Variants in KIRREL3 observed in about 807,000 individuals in gnomAD.
KIRREL3 encodes kirre like nephrin family adhesion molecule 3.
In KIRREL3, 36 loss-of-function variants were observed where a neutral mutation model predicts 89.7. The observed-to-expected ratio is 0.40, with a 90% confidence interval of 0.31 to 0.53. The LOEUF (loss-of-function observed/expected upper bound fraction) is 0.53. Among genes scored for constraint, KIRREL3 ranks in the 20% least tolerant of loss-of-function variants. The probability of loss-of-function intolerance (pLI) is 0.49; values close to 1 mark genes in which losing one functional copy is unlikely to be tolerated. For synonymous variants in KIRREL3, 445 were observed against 441.4 expected (o/e 1.01, Z -0.10); for missense variants, 864 against 1,056.6 (o/e 0.82, Z 2.53).
At chr11:126,806,189 C>T (rs1049307829) in intron 1 of KIRREL3, among the ~76,000 whole-genome samples, 3 of 152,188 alleles carry the variant, frequency 2.0e-5, no homozygotes, top group Non-Finnish European at 4.4e-5. Context: ...CTTGATTTTT[C>T]AGCCTTGATG....
At chr11:126,967,362 G>C (rs1475438837) in intron 1 of KIRREL3, among the ~76,000 whole-genome samples, 1 of 152,124 alleles carries the variant, frequency 6.6e-6, no homozygotes, top group Admixed American at 6.5e-5. Context: ...GTGCTAATGA[G>C]ACCAAAGTCA....
intron 1 of KIRREL3, among the ~76,000 whole-genome samples, chr11:126,621,038 A>C (rs1943555813): frequency 6.6e-6 from 1 of 152,244 alleles, no homozygotes; most frequent in Non-Finnish European, 1.5e-5. Flanking sequence ...CAAAGGGCAA[A>C]GTCATCTTAA....
At chr11:126,673,237 C>T (rs777380589) in intron 1 of KIRREL3, among the ~76,000 whole-genome samples, 18 of 152,200 alleles carry the variant, frequency 1.2e-4, no homozygotes, top group Middle Eastern at 3.2e-3. Flanking sequence ...ACACTTGGCT[C>T]GAAAGAGCGG....
Position 126,991,226 on chromosome 11 carries a change from A to G in KIRREL3, c.55+9229T>C, listed in dbSNP as rs1442384047. ...ACAACTTCCTGCAGGGCACGTCCAC[A>G]CTTCACTTAGTCAGGTTCTTCTTCT... On this transcript the variant is annotated intron_variant, in intron 1 of 16. Coordinates refer to ENST00000525144, the MANE Select transcript of KIRREL3 (RefSeq NM_032531.4). This position sits in a 1 kb window ranked among gnomAD's most constrained non-coding sequence, Gnocchi z 5.8. 6.6e-6 allele frequency among the ~76,000 whole-genome samples: 1 copy of G among 152,048 alleles called. No individual in the cohort carries two copies. The highest frequency in any genetic ancestry group is 1.5e-5 in the Non-Finnish European group (1 of 68,004).
chr11:126,446,876 C>G lies in KIRREL3; in HGVS notation c.1008G>C (p.Arg336=). 6.2e-7 allele frequency: 1 copy of G among 1,605,522 alleles called. No individual in the cohort carries two copies. The highest frequency in any genetic ancestry group is 8.5e-7 in the Non-Finnish European group (1 of 1,176,164). ...SRTVDVYFGP[R]MTTEPQSLLV... ...GCAAGGATTGGGGTTCTGTGGTCATCCGGGGCCCAACTGCGATGTGAGGAA... is the reference window on the plus strand; with the variant it reads ...GCAAGGATTGGGGTTCTGTGGTCATGCGGGGCCCAACTGCGATGTGAGGAA... The change falls in exon 9 of 17, where the codon CGG becomes CGC. Residue 336 remains arginine (R), a synonymous_variant. Coordinates refer to ENST00000525144, the MANE Select transcript of KIRREL3 (RefSeq NM_032531.4).
rs1284665503 is a variant in KIRREL3, at chr11:126,940,071, G to C, written c.55+60384C>G. Reference sequence around the variant, plus strand: ...AGAGCCCATCTCTGGGGATAAAATGGACTCATTTAGCTCATTGAACAGATC... The same window carrying C: ...AGAGCCCATCTCTGGGGATAAAATGCACTCATTTAGCTCATTGAACAGATC... On this transcript the variant is annotated intron_variant, in intron 1 of 16. Coordinates refer to ENST00000525144, the MANE Select transcript of KIRREL3 (RefSeq NM_032531.4). This position sits in a 1 kb window ranked among gnomAD's most constrained non-coding sequence, Gnocchi z 4.6. Among the ~76,000 whole-genome samples, 4 of 152,162 alleles carry C rather than the reference G, an allele frequency of 2.6e-5. No homozygotes were observed. Among genetic ancestry groups the C allele is most frequent in the African/African-American group, 9.6e-5 (4 of 41,544 alleles).
intron 1 of KIRREL3, among the ~76,000 whole-genome samples, chr11:126,794,093 AT>A (rs1298976530): frequency 6.6e-6 from 1 of 152,238 alleles, no homozygotes; most frequent in Non-Finnish European, 1.5e-5. Context: ...TTCTTACGTT[AT>A]TTAAAAATAC....
chr11:126,444,915 T>A (rs1955730449), intron 10 of KIRREL3, 64 bp downstream of exon 10: 3 of 1,601,518 alleles, frequency 1.9e-6, no homozygotes, highest in Admixed American at 3.3e-5. Context: ...CTATGCCTGG[T>A]GCCAAGATGC....
intron 1 of KIRREL3, among the ~76,000 whole-genome samples, chr11:126,889,824 A>G (rs1475368745): frequency 2.0e-5 from 3 of 152,332 alleles, no homozygotes; most frequent in East Asian, 3.9e-4. Flanking sequence ...GGGAAATTAA[A>G]TTAGCTTTTT....
chr11:126,881,775 T>C (rs1346350686), intron 1 of KIRREL3, among the ~76,000 whole-genome samples: 1 of 152,146 alleles, frequency 6.6e-6, no homozygotes, highest in Non-Finnish European at 1.5e-5. Context: ...CTCGAACTCT[T>C]GGCCTCAAGT....
chr11:126,836,640 T>C (rs908851978), intron 1 of KIRREL3, among the ~76,000 whole-genome samples: 6 of 152,232 alleles, frequency 3.9e-5, no homozygotes, highest in Non-Finnish European at 8.8e-5. Flanking sequence ...ATATGACTTG[T>C]GGAGAGAAGA....
In KIRREL3 at chr11:126,736,652, A is replaced by G. The variant is rs1379805412; in HGVS notation, c.56-173740T>C. Among the ~76,000 whole-genome samples, 4 of 152,164 alleles carry G rather than the reference A, an allele frequency of 2.6e-5. No homozygotes were observed. Among genetic ancestry groups the G allele is most frequent in the Non-Finnish European group, 5.9e-5 (4 of 68,034 alleles). On this transcript the variant is annotated intron_variant, in intron 1 of 16. Coordinates refer to ENST00000525144, the MANE Select transcript of KIRREL3 (RefSeq NM_032531.4). This position sits in a 1 kb window ranked among gnomAD's most constrained non-coding sequence, Gnocchi z 5.0. ...CCCAGGGTGCTGCTAACCACTCTGC[A>G]ATGCACAGGCCAGCCCCCATGACAA...
At position 126,476,547 on chromosome 11, in the gene KIRREL3, C is replaced by T. The variant is rs545811779; in HGVS notation, c.434-3081G>A. On this transcript the variant is annotated intron_variant, in intron 4 of 16. Transcript: ENST00000525144. This position sits in a 1 kb window ranked among gnomAD's most constrained non-coding sequence, Gnocchi z 6.4. ...GCACAGCCACGCACATACATCCACC[C>T]TCAGAATGGGGCCTGATTACATCTT... 6.6e-6 allele frequency among the ~76,000 whole-genome samples: 1 copy of T among 152,210 alleles called. No homozygotes were observed. The highest frequency in any genetic ancestry group is 6.5e-5 in the Admixed American group (1 of 15,294).
intron 1 of KIRREL3, among the ~76,000 whole-genome samples, chr11:126,616,599 G>A (rs1943362605): frequency 6.6e-6 from 1 of 152,192 alleles, no homozygotes; most frequent in African/African-American, 2.4e-5. Context: ...GTGGGTGATA[G>A]GATTTTCCTT....
chr11:126,608,172 G>T lies in KIRREL3; in HGVS notation c.56-45260C>A, dbSNP rs906517894. On this transcript the variant is annotated intron_variant, in intron 1 of 16. Transcript: ENST00000525144. This position sits in a 1 kb window ranked among gnomAD's most constrained non-coding sequence, Gnocchi z 4.9. ...TCCAGGAATGCAGCTGGAGGTGGGG[G>T]CGGGCCATGGTGGGCCAGGACAGGT... Among the ~76,000 whole-genome samples, 1 of 152,176 alleles carries T rather than the reference G, an allele frequency of 6.6e-6. No homozygotes were observed. The highest frequency in any genetic ancestry group is 6.5e-5 in the Admixed American group (1 of 15,284).
In KIRREL3 at chr11:126,811,586, T is replaced by C. The variant is rs1404288527; in HGVS notation, c.55+188869A>G. Among the ~76,000 whole-genome samples, 1 of 152,160 alleles carries C rather than the reference T, an allele frequency of 6.6e-6. No homozygotes were observed. Among genetic ancestry groups the C allele is most frequent in the Non-Finnish European group, 1.5e-5 (1 of 68,028 alleles). On this transcript the variant is annotated intron_variant, in intron 1 of 16. Transcript: ENST00000525144. This position sits in a 1 kb window ranked among gnomAD's most constrained non-coding sequence, Gnocchi z 4.3. ...TGCAACGTTAGCAATGAACTTCTTT[T>C]TTTTCTTTTTCTTTTTTGAGATGGA...
rs578099909 is a variant in KIRREL3, at chr11:126,782,259, G to A, written c.55+218196C>T. Among the ~76,000 whole-genome samples the A allele has an allele frequency of 2.6e-5, 4 of 152,196 alleles. No homozygotes were observed. Among genetic ancestry groups the A allele is most frequent in the Admixed American group, 1.3e-4 (2 of 15,282 alleles). ...AGCTAAAAGTTGAAGAGGGCTGCCC[G>A]TGCGCCTTGGAATCTGATAGGAATA... On this transcript the variant is annotated intron_variant, in intron 1 of 16. Transcript: ENST00000525144. The surrounding 1 kb of genome is among the most constrained non-coding windows in gnomAD (Gnocchi z 4.1).
rs1271475720 is a variant in KIRREL3, at chr11:126,742,430, A to G, written c.56-179518T>C. Among the ~76,000 whole-genome samples, 1 of 152,170 alleles carries G rather than the reference A, an allele frequency of 6.6e-6. No homozygotes were observed. ...CTGGACTGATAATATGGAATGGCCA[A>G]CATGAAGCAGAAGTCAATCTCTTCG... On this transcript the variant is annotated intron_variant, in intron 1 of 16. Transcript: ENST00000525144. The surrounding 1 kb of genome is among the most constrained non-coding windows in gnomAD (Gnocchi z 5.3).
chr11:126,840,022 C>T (rs917880743), intron 1 of KIRREL3, among the ~76,000 whole-genome samples: 4 of 152,116 alleles, frequency 2.6e-5, no homozygotes, highest in African/African-American at 7.2e-5. Flanking sequence ...TCACTAGGGA[C>T]ATGAACGTTG....
Sources: gnomAD v4.1 joint callset for allele counts (sites outside exome capture counted in the v4.1 genomes callset) on GRCh38, gnomAD v4.1.1 for gene constraint, Gnocchi (gnomAD v3.1) non-coding constraint, MANE v1.5 for transcripts, NCBI Gene and HGNC (gene_info 2026-07-23, HGNC 2026-07-21) for gene names.